Variants in PCSK2 observed in about 807,000 individuals in gnomAD.
PCSK2 encodes the protein neuroendocrine convertase 2.
In PCSK2, 14 loss-of-function variants were observed where a neutral mutation model predicts 69.7. That is an observed-to-expected ratio of 0.20 (90% confidence interval 0.13 to 0.31). The LOEUF is 0.31. Among genes scored for constraint, PCSK2 ranks in the 10% least tolerant of loss-of-function variants. The pLI, the probability that PCSK2 is intolerant of heterozygous loss-of-function variation, is 1.00. For missense variants in PCSK2, 544 were observed against 842.5 expected (o/e 0.65, Z 4.39); for synonymous variants, 307 against 320.7 (o/e 0.96, Z 0.46).
At chr20:17,303,453 TATTAAATATA>T (rs1568593288) in intron 2 of PCSK2, among the ~76,000 whole-genome samples, 3 of 104,748 alleles carry the variant, frequency 2.9e-5, no homozygotes, top group African/African-American at 1.2e-4. Context: ...ATATATATTA[TATTAAATATA>T]ATATATATTA....
chr20:17,354,062 T>C (rs891902355), intron 2 of PCSK2, among the ~76,000 whole-genome samples: 1 of 152,208 alleles, frequency 6.6e-6, no homozygotes, highest in Non-Finnish European at 1.5e-5. Flanking sequence ...GCTTACTACC[T>C]GGCTGATGGG....
At chr20:17,298,479 A>C (rs1263147752) in intron 2 of PCSK2, among the ~76,000 whole-genome samples, 1 of 152,204 alleles carries the variant, frequency 6.6e-6, no homozygotes, top group Non-Finnish European at 1.5e-5. Flanking sequence ...TCTACAATGC[A>C]CAGGACAGAG....
intron 1 of PCSK2, among the ~76,000 whole-genome samples, chr20:17,245,295 C>T (rs1316549766): frequency 6.6e-6 from 1 of 152,206 alleles, no homozygotes; most frequent in Non-Finnish European, 1.5e-5. Flanking sequence ...AGTTCCTTTC[C>T]TCTAGCCTTG....
At chr20:17,254,357 G>C (rs1043135765) in intron 1 of PCSK2, among the ~76,000 whole-genome samples, 1 of 152,092 alleles carries the variant, frequency 6.6e-6, no homozygotes, top group Non-Finnish European at 1.5e-5. Flanking sequence ...TAATCATTTT[G>C]AGTTAAATTT....
chr20:17,248,799 C>A (rs903355113), intron 1 of PCSK2, among the ~76,000 whole-genome samples: 1 of 152,184 alleles, frequency 6.6e-6, no homozygotes, highest in Non-Finnish European at 1.5e-5. Flanking sequence ...CCTTGAGTCC[C>A]ACTCATCTCC....
At chr20:17,372,008 T>C (rs1005652010) in intron 5 of PCSK2, among the ~76,000 whole-genome samples, 1 of 152,214 alleles carries the variant, frequency 6.6e-6, no homozygotes, top group African/African-American at 2.4e-5. Flanking sequence ...ATTCTCCTGG[T>C]ACAATGAGGC....
At chr20:17,315,834 C>A (rs2123120697) in intron 2 of PCSK2, among the ~76,000 whole-genome samples, 2 of 152,330 alleles carry the variant, frequency 1.3e-5, no homozygotes, top group African/African-American at 4.8e-5. Context: ...CGGTGCTTCA[C>A]CCCCGGCCGG....
chr20:17,334,719 C>A (rs1990298598), intron 2 of PCSK2, among the ~76,000 whole-genome samples: 1 of 152,120 alleles, frequency 6.6e-6, no homozygotes, highest in Non-Finnish European at 1.5e-5. Flanking sequence ...GACCTGGAAC[C>A]ACAGGACCAG....
intron 2 of PCSK2, among the ~76,000 whole-genome samples, chr20:17,281,634 T>G (rs1988318110): frequency 6.6e-6 from 1 of 152,232 alleles, no homozygotes; most frequent in Admixed American, 6.5e-5. Flanking sequence ...TTCTCATCCC[T>G]GGCCCACCTT....
chr20:17,304,300 A>G (rs556045245), intron 2 of PCSK2, among the ~76,000 whole-genome samples: 7 of 152,276 alleles, frequency 4.6e-5, no homozygotes, highest in South Asian at 2.1e-4. Flanking sequence ...TCTGCCACAT[A>G]ATAGCCATTC....
In PCSK2 at chr20:17,364,694, C is replaced by T. The variant is rs78070543; in HGVS notation, c.505+4054C>T. Among the ~76,000 whole-genome samples the T allele has an allele frequency of 5.0e-3, 763 of 152,286 alleles. 2 individuals carry two copies. Among genetic ancestry groups the T allele is most frequent in the African/African-American group, 0.017 (705 of 41,540 alleles). On this transcript the variant is annotated intron_variant, in intron 4 of 11. Coordinates refer to ENST00000262545, the MANE Select transcript of PCSK2 (RefSeq NM_002594.5). ...GGACACAGCCAAACCATATCCAACC[C>T]CAACACTTAGCAGCTTGAAGTTGCT...
At chr20:17,316,087 T>A (rs1989680334) in intron 2 of PCSK2, among the ~76,000 whole-genome samples, 1 of 152,172 alleles carries the variant, frequency 6.6e-6, no homozygotes, top group South Asian at 2.1e-4. Flanking sequence ...GGCTCGTTCT[T>A]CATAGGTCAG....
chr20:17,446,568 A>G (rs2032702696), intron 8 of PCSK2, among the ~76,000 whole-genome samples: 1 of 152,200 alleles, frequency 6.6e-6, no homozygotes, highest in African/African-American at 2.4e-5. Flanking sequence ...AATGACTACC[A>G]CAATGTGTAC....
intron 4 of PCSK2, among the ~76,000 whole-genome samples, chr20:17,366,919 T>G (rs913288527): frequency 6.6e-6 from 1 of 152,138 alleles, no homozygotes; most frequent in African/African-American, 2.4e-5. Context: ...TATTGGAACA[T>G]TTTTCTCCTT....
chr20:17,476,487 T>G (rs527430324), intron 11 of PCSK2, among the ~76,000 whole-genome samples: 9 of 152,380 alleles, frequency 5.9e-5, no homozygotes, highest in Admixed American at 4.6e-4. Context: ...ATATATAGAA[T>G]ATTTCCATCA....
rs374543637 is a variant in PCSK2 at position 17,260,758 on chromosome 20, G to A, written c.282+414G>A. Among the ~76,000 whole-genome samples the A allele has an allele frequency of 9.6e-4, 146 of 152,238 alleles. 4 individuals are homozygous for A. The South Asian group carries it at 0.027, about 29-fold the overall frequency. On this transcript the variant is annotated intron_variant, in intron 2 of 11. Transcript: ENST00000262545. ...GGTTGCCATGCCCCACGTTGTGAAC[G>A]GAAAGAATGAGAGAGCCAGTCAGTG...
chr20:17,310,111 A>G (rs73094483), intron 2 of PCSK2, among the ~76,000 whole-genome samples: 2 of 151,522 alleles, frequency 1.3e-5, no homozygotes, highest in Non-Finnish European at 2.9e-5. Context: ...AGGTGCTAAA[A>G]CACACTTTTA....
chr20:17,303,455 T>TA (rs1478841760), intron 2 of PCSK2, among the ~76,000 whole-genome samples: 1 of 58,690 alleles, frequency 1.7e-5, no homozygotes, highest in Non-Finnish European at 3.6e-5. Context: ...ATATATTATA[T>TA]TAAATATAAT....
At chr20:17,459,467 A>C (rs1455413670) in intron 10 of PCSK2, among the ~76,000 whole-genome samples, 1 of 152,204 alleles carries the variant, frequency 6.6e-6, no homozygotes, top group Non-Finnish European at 1.5e-5. Flanking sequence ...ATTAATATAC[A>C]TATGTGCAAT....
Sources: allele counts gnomAD v4.1 joint callset (sites outside exome capture counted in the v4.1 genomes callset), GRCh38; gene constraint gnomAD v4.1.1; transcripts MANE v1.5; gene names NCBI Gene and HGNC (gene_info 2026-07-23, HGNC 2026-07-21).